The following RGS6 variants were observed in gnomAD, a reference collection of about 807,000 sequenced individuals.
RGS6 encodes the protein regulator of G protein signaling 6.
In RGS6, 30 loss-of-function variants were observed where a neutral mutation model predicts 78.5. That is an observed-to-expected ratio of 0.38 (90% CI 0.29 to 0.52). The LOEUF is 0.52. Among genes scored for constraint, RGS6 ranks in the 20% least tolerant of loss-of-function variants. The pLI is 0.85. For missense variants in RGS6, 495 were observed against 609.7 expected (o/e 0.81, Z 1.98); for synonymous variants, 206 against 206.0 (o/e 1.00, Z 0.00).
chr14:72,153,344 A>G (rs1031107518), intron 2 of RGS6, among the ~76,000 whole-genome samples: 2 of 152,332 alleles, frequency 1.3e-5, no homozygotes, highest in South Asian at 2.1e-4. Flanking sequence ...AAGAAGGTAG[A>G]CTGGGCCAGT....
intron 2 of RGS6, among the ~76,000 whole-genome samples, chr14:72,292,830 T>G (rs1223896795): frequency 2.0e-5 from 3 of 152,220 alleles, no homozygotes; most frequent in Non-Finnish European, 4.4e-5. Flanking sequence ...TCTCACCACC[T>G]CCTGAACTGG....
intron 2 of RGS6, among the ~76,000 whole-genome samples, chr14:71,993,728 T>C (rs2095069354): frequency 6.6e-6 from 1 of 152,178 alleles, no homozygotes; most frequent in African/African-American, 2.4e-5. Flanking sequence ...CAAATCTTGA[T>C]GTCATCTAGA....
chr14:71,962,123 G>A (rs1301357298), intron 1 of RGS6, among the ~76,000 whole-genome samples: 1 of 152,156 alleles, frequency 6.6e-6, no homozygotes, highest in Non-Finnish European at 1.5e-5. Context: ...GTTTCAAAAC[G>A]AGTTAATAGA....
intron 3 of RGS6, among the ~76,000 whole-genome samples, chr14:72,391,948 A>AT (rs1373641050): frequency 2.0e-5 from 3 of 152,148 alleles, no homozygotes; most frequent in African/African-American, 7.2e-5. Context: ...TTATGGCTGC[A>AT]TAGTATTCCA....
At chr14:72,373,301 A>G (rs2083898101) in intron 3 of RGS6, among the ~76,000 whole-genome samples, 1 of 152,242 alleles carries the variant, frequency 6.6e-6, no homozygotes, top group Non-Finnish European at 1.5e-5. Flanking sequence ...GAAACTGGAT[A>G]TAATACCTAG....
intron 2 of RGS6, among the ~76,000 whole-genome samples, chr14:72,244,784 C>G (rs895776414): frequency 6.6e-6 from 1 of 151,716 alleles, no homozygotes; most frequent in African/African-American, 2.4e-5. Flanking sequence ...GGTGCATTGT[C>G]TGCAAAAGTC....
chr14:72,603,821 T>C, the RGS6 span, among the ~76,000 whole-genome samples: 1 of 152,092 alleles, frequency 6.6e-6, no homozygotes, highest in Non-Finnish European at 1.5e-5. Context: ...ACAAGAGATC[T>C]CCATTCAACC....
intron 2 of RGS6, among the ~76,000 whole-genome samples, chr14:72,128,352 A>G (rs547721967): frequency 4.6e-5 from 7 of 152,344 alleles, no homozygotes; most frequent in Admixed American, 2.0e-4. Flanking sequence ...TTAAATAATC[A>G]AACTTAAGTA....
intron 2 of RGS6, among the ~76,000 whole-genome samples, chr14:72,301,604 A>C (rs557889601): frequency 2.0e-5 from 3 of 152,138 alleles, no homozygotes; most frequent in Non-Finnish European, 4.4e-5. Context: ...GAGTCACCTA[A>C]ACAGAAATTT....
At chr14:72,032,818 C>CAT (rs914362015) in intron 2 of RGS6, among the ~76,000 whole-genome samples, 1 of 151,954 alleles carries the variant, frequency 6.6e-6, no homozygotes, top group Non-Finnish European at 1.5e-5. Context: ...TATTTTATTG[C>CAT]ATATATATAT....
At chr14:71,946,684 C>A (rs1182999193) in intron 1 of RGS6, among the ~76,000 whole-genome samples, 1 of 152,098 alleles carries the variant, frequency 6.6e-6, no homozygotes, top group African/African-American at 2.4e-5. Flanking sequence ...AGGTCTGGGG[C>A]CTGCAGAAAT....
chr14:72,522,022 T>A (rs1176479660), intron 15 of RGS6, among the ~76,000 whole-genome samples: 1 of 152,242 alleles, frequency 6.6e-6, no homozygotes, highest in Admixed American at 6.5e-5. Context: ...TTGGTGTATT[T>A]TCTTCCTTGA....
At chr14:71,976,418 C>A (rs1363359000) in intron 2 of RGS6, among the ~76,000 whole-genome samples, 1 of 131,194 alleles carries the variant, frequency 7.6e-6, no homozygotes, top group African/African-American at 2.9e-5. Flanking sequence ...CCCCTCCCCC[C>A]ACCCCACAAC....
At chr14:72,429,578 A>G (rs983988358) in intron 3 of RGS6, among the ~76,000 whole-genome samples, 1 of 152,196 alleles carries the variant, frequency 6.6e-6, no homozygotes, top group Admixed American at 6.5e-5. Context: ...GAGGAGAAAC[A>G]TATCATTCAT....
chr14:71,933,434 T>G (rs1230125654), intron 1 of RGS6: 2 of 152,032 alleles, frequency 1.3e-5, no homozygotes, highest in African/African-American at 4.8e-5. Context: ...GTGGGGAGGT[T>G]TGTTGTTTGG....
chr14:72,280,700 AT>A (rs1161884712), intron 2 of RGS6, among the ~76,000 whole-genome samples: 1 of 152,230 alleles, frequency 6.6e-6, no homozygotes, highest in African/African-American at 2.4e-5. Flanking sequence ...GTCTAATATC[AT>A]AGAAATCATA....
chr14:71,912,803 T>TG, the RGS6 span, among the ~76,000 whole-genome samples: 1 of 152,150 alleles, frequency 6.6e-6, no homozygotes, highest in African/African-American at 2.4e-5. Context: ...AAACTGTCTC[T>TG]GGTTCTACAG....
intron 3 of RGS6, among the ~76,000 whole-genome samples, chr14:72,438,643 C>T (rs2095051173): frequency 6.6e-6 from 1 of 152,230 alleles, no homozygotes; most frequent in African/African-American, 2.4e-5. Flanking sequence ...GCCTCCAAAC[C>T]CATTTGCTTC....
intron 2 of RGS6, among the ~76,000 whole-genome samples, chr14:72,029,379 G>C (rs2090463312): frequency 6.6e-6 from 1 of 152,224 alleles, no homozygotes; most frequent in Non-Finnish European, 1.5e-5. Context: ...ATCAGACTCT[G>C]TGTCCTCTGA....
Sources: gnomAD v4.1 joint callset for allele counts (sites outside exome capture counted in the v4.1 genomes callset) on GRCh38, gnomAD v4.1.1 for gene constraint, MANE v1.5 for transcripts, NCBI Gene and HGNC (gene_info 2026-07-23, HGNC 2026-07-21) for gene names.